ZC3H6: variants seen among roughly 807,000 people sequenced by gnomAD.
The protein encoded by ZC3H6 is zinc finger CCCH-type containing 6, also known as zinc finger CCCH domain-containing protein 6.
Under a neutral mutation model 107.7 loss-of-function variants are expected in ZC3H6, and 40 were observed. The observed-to-expected ratio is 0.37, with a 90% CI of 0.29 to 0.48. ZC3H6 has a LOEUF of 0.48. Among genes scored for constraint, ZC3H6 ranks in the 20% least tolerant of loss-of-function variants. The pLI is 0.98. For synonymous variants in ZC3H6, 493 were observed against 487.9 expected, an observed-to-expected ratio of 1.01 and a Z score of -0.14; for missense variants, 1,267 against 1,410.4, an observed-to-expected ratio of 0.90 and a Z score of 1.63.
Position 112,303,266 on chromosome 2 carries a change from G to A in ZC3H6, c.251G>A (p.Ser84Asn), listed in dbSNP as rs777998195. ...TCTAGTGATGATAGTTCGGACTACA[G>A]CCTTGATTCAGATGTTGAACATACA... ...SPSSDDSSDY[S>N]LDSDVEHTES... Residue 84 changes from serine (S) to asparagine (N), a missense_variant, in exon 3 of 12, where the codon AGC becomes AAC. Around this residue, in one of 3 missense-constraint regions of ZC3H6, gnomAD observed 337 missense variants for 361.2 expected, o/e 0.93. Coordinates refer to ENST00000409871, the MANE Select transcript of ZC3H6 (RefSeq NM_198581.3). 6.2e-7 allele frequency: 1 copy of A among 1,612,648 alleles called. No individual in the cohort carries two copies. The highest frequency in any genetic ancestry group is 1.1e-5 in the South Asian group (1 of 90,988).
chr2:112,314,029 G>A (rs986922564), intron 5 of ZC3H6, among the ~76,000 whole-genome samples: 2 of 151,804 alleles, frequency 1.3e-5, no homozygotes, highest in African/African-American at 4.8e-5. Context: ...TTATTTTCCT[G>A]GTAGATCCTT....
chr2:112,336,735 TATC>T lies in ZC3H6; in HGVS notation c.*4248_*4250del, dbSNP rs1329107919. The T allele has an allele frequency of 6.6e-6, 1 of 152,176 alleles. No individual in the cohort carries two copies. The highest frequency in any genetic ancestry group is 1.5e-5 in the Non-Finnish European group (1 of 68,024). 9.4% of individuals were successfully genotyped at this position (152,176 alleles called of 1,614,324 possible). The stretch of plus-strand genomic sequence containing the variant: ...CCAGTTGTGACAAAGCCCTCCCTAT[TATC>T]CTGCCTTTCCTGGAAAGGATACAGA... On this transcript the variant is annotated 3_prime_UTR_variant, in exon 12 of 12. Transcript: ENST00000409871.
chr2:112,316,443 C>T, intron 5 of ZC3H6, 27 bp from the exon 6 acceptor site: 1 of 1,368,742 alleles, frequency 7.3e-7, no homozygotes, highest in South Asian at 1.2e-5. Context: ...TCATATGCTG[C>T]ATTCAAATGG....
intron 3 of ZC3H6, among the ~76,000 whole-genome samples, chr2:112,308,183 C>A (rs1379205380): frequency 1.3e-5 from 2 of 151,928 alleles, no homozygotes; most frequent in Non-Finnish European, 2.9e-5. Context: ...TTCTGAAGTG[C>A]TAGACTAAGA....
chr2:112,287,892 G>GC (rs1160938116), intron 1 of ZC3H6, among the ~76,000 whole-genome samples: 1 of 152,236 alleles, frequency 6.6e-6, no homozygotes, highest in East Asian at 1.9e-4. Flanking sequence ...GTGAGCCACC[G>GC]CCCCCGGCCG....
Position 112,324,449 on chromosome 2 carries a change from T to G in ZC3H6, c.1638T>G (p.Ser546Arg). 1 of 1,613,962 alleles carries G rather than the reference T, an allele frequency of 6.2e-7. No homozygotes were observed. The highest frequency in any genetic ancestry group is 8.5e-7 in the Non-Finnish European group (1 of 1,179,886). The change falls in exon 10 of 12, where the codon AGT (serine) becomes AGG (arginine). Residue 546 changes from serine to arginine, a missense_variant. Physicochemically the swap from Ser to Arg is moderately radical, Grantham distance 110. Transcript: ENST00000409871. ...CAGACACATCTTTGACACCACCAAGTATGGGTGGGGCTTACCACTCCCCAG... is the reference window on the plus strand; with the variant it reads ...CAGACACATCTTTGACACCACCAAGGATGGGTGGGGCTTACCACTCCCCAG... Reference protein sequence around the residue: ...VQPDTSLTPPSMGGAYHSPGF... With the variant: ...VQPDTSLTPPRMGGAYHSPGF...
In ZC3H6 at chr2:112,331,066, A is replaced by G. The variant is rs1289520645; in HGVS notation, c.2148A>G (p.Ile716Met). The part of the protein sequence containing the change: ...EEEEGSSVKS[I>M]LKTLQKQTET... ...AAGAAGGAAGCAGTGTCAAATCAAT[A>G]CTGAAAACATTACAGAAACAAACAG... Residue 716 changes from isoleucine to methionine, a missense_variant, in exon 12 of 12, where the codon ATA (isoleucine) becomes ATG (methionine). Physicochemically the swap from Ile to Met is conservative, Grantham distance 10. This residue lies in a region of ZC3H6 where 925 missense variants were observed against 1,025.7 expected (regional missense o/e 0.90). Transcript: ENST00000409871. 1.3e-6 allele frequency: 2 copies of G among 1,590,240 alleles called. No individual in the cohort carries two copies. The highest frequency in any genetic ancestry group is 2.7e-5 in the African/African-American group (2 of 74,478).
At chr2:112,303,426 A>G (rs1326392979) in intron 3 of ZC3H6, 75 bp downstream of exon 3, 6 of 1,097,322 alleles carry the variant, frequency 5.5e-6, no homozygotes, top group African/African-American at 1.6e-5. Context: ...TTAACTGTAC[A>G]ATTCAGTGAT....
chr2:112,299,100 A>G (rs1676305945), intron 1 of ZC3H6, among the ~76,000 whole-genome samples: 1 of 151,732 alleles, frequency 6.6e-6, no homozygotes, highest in African/African-American at 2.4e-5. Context: ...ACACGGTGAA[A>G]CCCCGTCTCT....
intron 1 of ZC3H6, among the ~76,000 whole-genome samples, chr2:112,296,685 C>T (rs1212578250): frequency 6.6e-6 from 1 of 152,144 alleles, no homozygotes; most frequent in African/African-American, 2.4e-5. Context: ...AGTGACTTTA[C>T]AGCCACTTTA....
At chr2:112,316,854 T>C (rs1442817323) in intron 6 of ZC3H6, among the ~76,000 whole-genome samples, 1 of 152,224 alleles carries the variant, frequency 6.6e-6, no homozygotes, top group Non-Finnish European at 1.5e-5. Flanking sequence ...TAATATTAAA[T>C]GATTTAATCC....
At position 112,286,446 on chromosome 2, in the gene ZC3H6, A is replaced by G. The variant is rs752709080; in HGVS notation, c.32+10420A>G. 2.7e-4 allele frequency: 43 copies of G among 157,602 alleles called. 1 individual carries two copies. Among genetic ancestry groups the G allele is most frequent in the Non-Finnish European group, 5.0e-4 (36 of 71,508 alleles). 9.8% of individuals were successfully genotyped at this position (157,602 alleles called of 1,614,324 possible). A position where few individuals can be genotyped will look rare whatever the true frequency, so the allele number is the denominator to read the frequency against. On this transcript the variant is annotated intron_variant, in intron 1 of 11. Coordinates refer to ENST00000409871, the MANE Select transcript of ZC3H6 (RefSeq NM_198581.3). The stretch of plus-strand genomic sequence containing the variant: ...ATCTTGGCGACCCAGCGCATAACTC[A>G]CTTTTTTTTGGAAACAAGGTTGGCT...
intron 8 of ZC3H6, 35 bp from the exon 9 acceptor site, chr2:112,322,614 G>A (rs750361249): frequency 7.1e-6 from 11 of 1,557,552 alleles, no homozygotes; most frequent in African/African-American, 4.2e-5. Context: ...GAAAAGACTC[G>A]CTTTGAAATA....
chr2:112,335,351 CTACT>C lies in ZC3H6; in HGVS notation c.*2869_*2872del, dbSNP rs1413576816. 6.6e-6 allele frequency: 1 copy of C among 152,108 alleles called. No homozygotes were observed. The highest frequency in any genetic ancestry group is 1.9e-4 in the East Asian group (1 of 5,198). 9.4% of individuals were successfully genotyped at this position (152,108 alleles called of 1,614,324 possible). On this transcript the variant is annotated 3_prime_UTR_variant, in exon 12 of 12. Transcript: ENST00000409871. Reference sequence around the variant, plus strand: ...GGAACTTTAAAGAGTAGTGTTCCTCCTACTTACTTTAAGCTGGAAGAAGAGTTGA... The same window carrying C: ...GGAACTTTAAAGAGTAGTGTTCCTCCTACTTTAAGCTGGAAGAAGAGTTGA...
chr2:112,321,676 G>T (rs775678147), intron 7 of ZC3H6, 80 bp from the exon 8 acceptor site: 30 of 672,162 alleles, frequency 4.5e-5, no homozygotes, highest in Non-Finnish European at 6.6e-5. Flanking sequence ...TAACTATCTT[G>T]TCTAACAGTT....
At position 112,323,814 on chromosome 2, in the gene ZC3H6, A is replaced by T. The variant is rs115803856; in HGVS notation, c.1341-338A>T. 2.7e-3 allele frequency among the ~76,000 whole-genome samples: 415 copies of T among 152,332 alleles called. 4 individuals carry two copies. The highest frequency in any genetic ancestry group is 8.8e-3 in the African/African-American group (366 of 41,578). On this transcript the variant is annotated intron_variant, in intron 9 of 11. Coordinates refer to ENST00000409871, the MANE Select transcript of ZC3H6 (RefSeq NM_198581.3). ...CTAATTTTACTGTAAAAGGTTATAT[A>T]TGCCTGAAAAAGAGGACTAGTAGGA...
At position 112,332,312 on chromosome 2, in the gene ZC3H6, C is replaced by A; in HGVS notation, c.3394C>A (p.Leu1132Ile). The A allele has an allele frequency of 6.2e-7, 1 of 1,613,994 alleles. No individual in the cohort carries two copies. The highest frequency in any genetic ancestry group is 8.5e-7 in the Non-Finnish European group (1 of 1,179,892). Residue 1132 changes from leucine to isoleucine, a missense_variant, in exon 12 of 12, where the codon CTT (leucine) becomes ATT (isoleucine). Physicochemically the swap from Leu to Ile is conservative, Grantham distance 5. This residue lies in a region of ZC3H6 where 925 missense variants were observed against 1,025.7 expected (regional missense o/e 0.90). Transcript: ENST00000409871. ...GKVQVPAVHS[L>I]PVQALTGLIR... ...GGTTCAGGTCCCAGCAGTGCACAGC[C>A]TTCCTGTTCAGGCATTAACAGGCTT...
At chr2:112,286,469 G>C (rs1037799315) in intron 1 of ZC3H6, 36 of 157,040 alleles carry the variant, frequency 2.3e-4, no homozygotes, top group Non-Finnish European at 4.2e-4. Flanking sequence ...AACAAGGTTG[G>C]CTCTGTCTTC....
intron 1 of ZC3H6, among the ~76,000 whole-genome samples, chr2:112,293,583 C>T (rs1219923780): frequency 1.3e-5 from 2 of 152,182 alleles, no homozygotes; most frequent in Admixed American, 6.5e-5. Context: ...CAGAAAATCA[C>T]GAAAACTCAT....
Sources: allele counts gnomAD v4.1 joint callset (sites outside exome capture counted in the v4.1 genomes callset), GRCh38; gene constraint gnomAD v4.1.1; regional missense constraint gnomAD v4.1.1; transcripts MANE v1.5; gene names NCBI Gene and HGNC (gene_info 2026-07-23, HGNC 2026-07-21).